MBD5: variants seen among roughly 807,000 people sequenced by gnomAD.
MBD5 encodes methyl-CpG binding domain protein 5, also known as methyl-CpG-binding domain protein 5.
In MBD5, 13 loss-of-function variants were observed where a neutral mutation model predicts 117.3. The observed-to-expected ratio is 0.11, with a 90% CI of 0.07 to 0.18. The LOEUF (loss-of-function observed/expected upper bound fraction) is 0.18, where lower values mean the gene tolerates loss of function less well. MBD5 is among the 10% of genes least tolerant of loss of function. MBD5 has a pLI of 1.00. For missense variants in MBD5, 1,879 were observed against 2,093.8 expected (o/e 0.90, Z 2.00); for synonymous variants, 727 against 766.4 (o/e 0.95, Z 0.85).
At chr2:148,411,266 G>A (rs777071763) in intron 4 of MBD5, among the ~76,000 whole-genome samples, 1 of 152,052 alleles carries the variant, frequency 6.6e-6, no homozygotes, top group Non-Finnish European at 1.5e-5. Context: ...CTATTGATGG[G>A]TATTTAGGTT....
chr2:148,482,586 T>G (rs1681193161), intron 8 of MBD5, among the ~76,000 whole-genome samples: 1 of 152,188 alleles, frequency 6.6e-6, no homozygotes, highest in Admixed American at 6.5e-5. Context: ...ATAGTTAATC[T>G]TCACAGGTAC....
chr2:148,087,238 A>G (rs534020236), intron 1 of MBD5, among the ~76,000 whole-genome samples: 2 of 152,314 alleles, frequency 1.3e-5, no homozygotes, highest in South Asian at 4.1e-4. Flanking sequence ...GCTGTCTCCA[A>G]ATTGCCACCT....
intron 2 of MBD5, among the ~76,000 whole-genome samples, chr2:148,218,100 A>G (rs1379762834): frequency 6.6e-6 from 1 of 152,210 alleles, no homozygotes; most frequent in Non-Finnish European, 1.5e-5. Flanking sequence ...CAATATAGCC[A>G]GTATAGTGTA....
At chr2:148,498,204 C>T (rs755903727) in intron 11 of MBD5, among the ~76,000 whole-genome samples, 5 of 152,302 alleles carry the variant, frequency 3.3e-5, no homozygotes, top group South Asian at 2.1e-4. Context: ...TATTCTTTGA[C>T]GTTTGCACAA....
intron 3 of MBD5, among the ~76,000 whole-genome samples, chr2:148,254,515 CA>C (rs1283602219): frequency 1.3e-5 from 2 of 152,062 alleles, no homozygotes; most frequent in Non-Finnish European, 1.5e-5. Flanking sequence ...GGGCTCATCA[CA>C]ATCGCAGAAG....
chr2:148,176,124 T>A (rs959043320), intron 1 of MBD5, among the ~76,000 whole-genome samples: 1 of 152,114 alleles, frequency 6.6e-6, no homozygotes, highest in Non-Finnish European at 1.5e-5. Context: ...TTGTAGAAAA[T>A]CTGAGATCTT....
At chr2:148,026,435 T>A (rs1045759793) in intron 1 of MBD5, 1 of 152,148 alleles carries the variant, frequency 6.6e-6, no homozygotes, top group Non-Finnish European at 1.5e-5. Context: ...CAATTTAAAA[T>A]ATACATAATG....
chr2:148,226,657 T>G (rs553672050), intron 2 of MBD5, among the ~76,000 whole-genome samples: 2 of 152,296 alleles, frequency 1.3e-5, no homozygotes, highest in East Asian at 3.9e-4. Flanking sequence ...CAAATGGTAT[T>G]TCTAGTTCTA....
At chr2:148,285,220 C>G (rs1485359412) in intron 3 of MBD5, among the ~76,000 whole-genome samples, 1 of 152,192 alleles carries the variant, frequency 6.6e-6, no homozygotes, top group African/African-American at 2.4e-5. Flanking sequence ...CTCTGTTATT[C>G]TGAATAACTA....
rs1055370391 is a variant in MBD5, at chr2:148,513,187, A to G, written c.*246A>G. ...GATCAATGGTCAAGAGATTACTGAG[A>G]AACTCTTTTTCTATAATACTAAATT... On this transcript the variant is annotated 3_prime_UTR_variant, in exon 14 of 14. Coordinates refer to ENST00000642680, the MANE Select transcript of MBD5 (RefSeq NM_001378120.1). 3 of 497,156 alleles carry G rather than the reference A, an allele frequency of 6.0e-6. No individual in the cohort carries two copies. In the Admixed American group the frequency reaches 1.0e-4, roughly 17 times the overall value. The allele number at this position is 497,156 out of a possible 1,614,324, so 30.8% of individuals were successfully genotyped here.
intron 1 of MBD5, among the ~76,000 whole-genome samples, chr2:148,096,968 T>A (rs998251340): frequency 6.6e-6 from 1 of 151,978 alleles, no homozygotes; most frequent in African/African-American, 2.4e-5. Flanking sequence ...AAAATGTAAG[T>A]TGAACAGGGA....
intron 4 of MBD5, among the ~76,000 whole-genome samples, chr2:148,389,272 A>G (rs1704486295): frequency 1.3e-5 from 1 of 78,104 alleles, no homozygotes; most frequent in Non-Finnish European, 2.5e-5. Context: ...ATATATATAT[A>G]TATATATATA....
At chr2:148,432,038 C>CT (rs1706005083) in intron 4 of MBD5, among the ~76,000 whole-genome samples, 1 of 151,992 alleles carries the variant, frequency 6.6e-6, no homozygotes. Flanking sequence ...AGCATCTGTT[C>CT]TTTTTTTACT....
chr2:148,050,197 CTTG>C (rs780647627), intron 1 of MBD5, among the ~76,000 whole-genome samples: 3 of 152,022 alleles, frequency 2.0e-5, no homozygotes, highest in Non-Finnish European at 2.9e-5. Flanking sequence ...CTTACCAACA[CTTG>C]TTGTGTCTTT....
At chr2:148,055,418 C>CTT (rs56877252) in intron 1 of MBD5, 2,618 of 140,808 alleles carry the variant, frequency 0.019, 61 homozygotes, top group African/African-American at 0.052. Context: ...ATAGGTTTTT[C>CTT]TTTTTTTTTT....
intron 1 of MBD5, among the ~76,000 whole-genome samples, chr2:148,136,152 A>T (rs1251908401): frequency 1.3e-5 from 2 of 152,166 alleles, no homozygotes; most frequent in African/African-American, 2.4e-5. Context: ...CATTTCCAAC[A>T]AGTTAAATGG....
intron 1 of MBD5, among the ~76,000 whole-genome samples, chr2:148,151,298 G>C (rs1176058444): frequency 4.6e-5 from 7 of 151,744 alleles, no homozygotes; most frequent in Non-Finnish European, 1.0e-4. Flanking sequence ...AAGCCCACTT[G>C]ATCATGGTGG....
intron 7 of MBD5, among the ~76,000 whole-genome samples, chr2:148,468,084 A>T (rs1470732028): frequency 6.6e-6 from 1 of 152,212 alleles, no homozygotes; most frequent in Non-Finnish European, 1.5e-5. Flanking sequence ...TAAAGAGTAA[A>T]TAAGCATAAT....
intron 1 of MBD5, among the ~76,000 whole-genome samples, chr2:148,126,335 G>A (rs143183743): frequency 7.3e-5 from 11 of 150,210 alleles, no homozygotes; most frequent in Admixed American, 6.7e-4. Flanking sequence ...GAACCCAGGA[G>A]GCAGAGTTTG....
Sources: gnomAD v4.1 joint callset for allele counts (sites outside exome capture counted in the v4.1 genomes callset) on GRCh38, gnomAD v4.1.1 for gene constraint, MANE v1.5 for transcripts, NCBI Gene and HGNC (gene_info 2026-07-23, HGNC 2026-07-21) for gene names.